FBXO32: variants seen among roughly 807,000 people sequenced by gnomAD.
The protein encoded by FBXO32 is F-box only protein 32.
FBXO32 carries 15 observed loss-of-function variants against 48.3 expected under a neutral mutation model. The ratio of observed to expected loss-of-function variants is 0.31; its 90% CI spans 0.21 to 0.48. The LOEUF is 0.48. Ranked by LOEUF, FBXO32 falls within the 20% of genes least tolerant of loss-of-function variation. The pLI, the probability that FBXO32 is intolerant of heterozygous loss-of-function variation, is 0.99. For synonymous variants in FBXO32, 154 were observed against 165.9 expected (o/e 0.93, Z 0.55); for missense variants, 309 against 432.7 (o/e 0.71, Z 2.54).
intron 4 of FBXO32, among the ~76,000 whole-genome samples, chr8:123,518,580 C>A (rs2130527524): frequency 6.6e-6 from 1 of 152,262 alleles, no homozygotes; most frequent in South Asian, 2.1e-4. Flanking sequence ...GTTTTTCTAC[C>A]ATGGAGTCTT....
intron 4 of FBXO32, among the ~76,000 whole-genome samples, chr8:123,521,977 G>A (rs944513598): frequency 2.6e-5 from 4 of 152,094 alleles, no homozygotes; most frequent in Non-Finnish European, 5.9e-5. Flanking sequence ...AACCTGGAAA[G>A]TTTTGTTCTG....
intron 6 of FBXO32, among the ~76,000 whole-genome samples, chr8:123,511,320 G>A (rs1816729400): frequency 6.6e-6 from 1 of 152,146 alleles, no homozygotes; most frequent in Non-Finnish European, 1.5e-5. Context: ...ACAATAGCTA[G>A]CTCCGAAGAG....
intron 4 of FBXO32, among the ~76,000 whole-genome samples, chr8:123,524,645 A>G (rs1287200683): frequency 6.6e-6 from 1 of 152,036 alleles, no homozygotes; most frequent in Non-Finnish European, 1.5e-5. Flanking sequence ...CAGCCTCCAG[A>G]GTAGCTGGGA....
In FBXO32 at chr8:123,506,796, G is replaced by A. The variant is rs918585292; in HGVS notation, c.652-222C>T. Among the ~76,000 whole-genome samples, 6 of 152,138 alleles carry A rather than the reference G, an allele frequency of 3.9e-5. No homozygotes were observed. The highest frequency in any genetic ancestry group is 8.8e-5 in the Non-Finnish European group (6 of 68,028). On this transcript the variant is annotated intron_variant, in intron 6 of 8. Transcript: ENST00000517956. The surrounding 1 kb of genome is among the most constrained non-coding windows in gnomAD (Gnocchi z 4.0). The stretch of plus-strand genomic sequence containing the variant: ...TGCGCTGAGCTGAGTGGTGCCAGAG[G>A]GATCGCCCTACATTTCCAAAGCTTG...
chr8:123,499,165 C>T lies in FBXO32; in HGVS notation c.*4208G>A, dbSNP rs76998699. On this transcript the variant is annotated 3_prime_UTR_variant, in exon 9 of 9. Coordinates refer to ENST00000517956, the MANE Select transcript of FBXO32 (RefSeq NM_058229.4). Reference sequence around the variant, plus strand: ...CCCTAAACATTCTGGATCTCTTACTCATCGTGAAAGGCAGACGCTCTAAGT... The same window carrying T: ...CCCTAAACATTCTGGATCTCTTACTTATCGTGAAAGGCAGACGCTCTAAGT... 1.3e-5 allele frequency: 2 copies of T among 152,246 alleles called. No homozygotes were observed. The highest frequency in any genetic ancestry group is 2.9e-5 in the Non-Finnish European group (2 of 68,042). The allele number at this position is 152,246 out of a possible 1,614,324, so 9.4% of individuals were successfully genotyped here. A position where few individuals can be genotyped will look rare whatever the true frequency, so the allele number is the denominator to read the frequency against.
At chr8:123,539,255 C>T (rs1261418839) in intron 1 of FBXO32, among the ~76,000 whole-genome samples, 1 of 152,142 alleles carries the variant, frequency 6.6e-6, no homozygotes, top group Non-Finnish European at 1.5e-5. Flanking sequence ...ACTCTTCAGA[C>T]CCTTTCGGCA....
chr8:123,517,720 C>T (rs766106626), intron 4 of FBXO32, among the ~76,000 whole-genome samples: 35 of 152,178 alleles, frequency 2.3e-4, no homozygotes, highest in Non-Finnish European at 4.6e-4. Flanking sequence ...TTTAATCCCT[C>T]TGAACTCCTG....
intron 1 of FBXO32, among the ~76,000 whole-genome samples, chr8:123,537,301 T>C (rs1817327054): frequency 6.6e-6 from 1 of 152,004 alleles, no homozygotes; most frequent in Non-Finnish European, 1.5e-5. Context: ...AATTCAATAA[T>C]AGCCAGCAAG....
At chr8:123,532,104 G>T (rs1817222510) in intron 3 of FBXO32, 114 bp from the exon 4 acceptor site, 1 of 1,500,122 alleles carries the variant, frequency 6.7e-7, no homozygotes, top group Non-Finnish European at 8.9e-7. Flanking sequence ...CTTGATGCCT[G>T]TCTTAGGTGA....
chr8:123,506,496 G>A lies in FBXO32; in HGVS notation c.730C>T (p.Arg244Trp), dbSNP rs147310376. The A allele has an allele frequency of 1.2e-4, 195 of 1,614,018 alleles. No homozygotes were observed. In the African/African-American group the frequency reaches 2.4e-3, roughly 20 times the overall value. ...GCCTGGCCCAGGCTGACCAGGTCCC[G>A]CCCGTCGCTCAGCCTCTGCATGATG... ...LNIMQRLSDG[R>W]DLVSLGQAAP... The change falls in exon 7 of 9, where the codon CGG becomes TGG. Residue 244 changes from arginine to tryptophan, a missense_variant. Arg to Trp is a moderately radical substitution (Grantham distance 101). Transcript: ENST00000517956. This position sits in a 1 kb window ranked among gnomAD's most constrained non-coding sequence, Gnocchi z 4.0.
At chr8:123,536,042 T>C (rs1817304081) in intron 1 of FBXO32, among the ~76,000 whole-genome samples, 1 of 152,334 alleles carries the variant, frequency 6.6e-6, no homozygotes, top group Admixed American at 6.5e-5. Flanking sequence ...TTGTTATTAA[T>C]ACAATAGTCT....
rs776807456 is a variant in FBXO32 at position 123,513,948 on chromosome 8, C to T, written c.466+292G>A. The T allele has an allele frequency of 6.2e-6, 2 of 321,434 alleles. No homozygotes were observed. The highest frequency in any genetic ancestry group is 5.2e-5 in the East Asian group (1 of 19,158). 19.9% of individuals were successfully genotyped at this position (321,434 alleles called of 1,614,324 possible). On this transcript the variant is annotated intron_variant, in intron 5 of 8. Transcript: ENST00000517956. The surrounding 1 kb of genome is among the most constrained non-coding windows in gnomAD (Gnocchi z 4.3). ...TCTAGGAATTTGGGACCCGGAGGCT[C>T]GGTAGCCAGTGTTGGGACCTGTGTC...
In FBXO32 at chr8:123,540,953, C is replaced by A. The variant is rs750486769; in HGVS notation, c.62G>T (p.Gly21Val). The part of the protein sequence containing the change: ...PGQNWVKTAD[G>V]WKRFLDEKSG... ...CTTCTCATCCAGGAAGCGCTTCCAGCCGTCGGCCGTCTTCACCCAGTTCTG... is the reference window on the plus strand; with the variant it reads ...CTTCTCATCCAGGAAGCGCTTCCAGACGTCGGCCGTCTTCACCCAGTTCTG... The change falls in exon 1 of 9, where the codon GGC becomes GTC. Residue 21 changes from glycine (G) to valine (V), a missense_variant. Transcript: ENST00000517956. This position sits in a 1 kb window ranked among gnomAD's most constrained non-coding sequence, Gnocchi z 6.4. 6.2e-7 allele frequency: 1 copy of A among 1,613,500 alleles called. No individual in the cohort carries two copies. Among genetic ancestry groups the A allele is most frequent in the South Asian group, 1.1e-5 (1 of 91,070 alleles).
At chr8:123,514,206 A>C in intron 5 of FBXO32, 34 bp downstream of exon 5, 1 of 1,559,016 alleles carries the variant, frequency 6.4e-7, no homozygotes, top group Middle Eastern at 1.7e-4. Flanking sequence ...CTCCATGCCT[A>C]TAAAAAGGGG....
chr8:123,528,573 G>A (rs539129043), intron 4 of FBXO32, among the ~76,000 whole-genome samples: 2 of 152,258 alleles, frequency 1.3e-5, no homozygotes, highest in Non-Finnish European at 2.9e-5. Flanking sequence ...AGGGAGCAGG[G>A]CCAATGCATG....
chr8:123,511,752 AGACAT>A (rs1816739623), intron 6 of FBXO32, among the ~76,000 whole-genome samples: 1 of 152,160 alleles, frequency 6.6e-6, no homozygotes, highest in Non-Finnish European at 1.5e-5. Context: ...CTGGGATTAC[AGACAT>A]GAGCCACTGC....
chr8:123,499,449 A>T lies in FBXO32; in HGVS notation c.*3924T>A, dbSNP rs985186085. The T allele has an allele frequency of 6.6e-6, 1 of 151,342 alleles. No homozygotes were observed. Among genetic ancestry groups the T allele is most frequent in the African/African-American group, 2.4e-5 (1 of 41,152 alleles). 9.4% of individuals were successfully genotyped at this position (151,342 alleles called of 1,614,324 possible). A position where few individuals can be genotyped will look rare whatever the true frequency, so the allele number is the denominator to read the frequency against. ...TCCAGTCAGAAGAGATAGTTCACAG[A>T]CTCAGAGTTGGAAACAGATTAAAAA... is the stretch of plus-strand genomic sequence containing the variant. On this transcript the variant is annotated 3_prime_UTR_variant, in exon 9 of 9. Coordinates refer to ENST00000517956, the MANE Select transcript of FBXO32 (RefSeq NM_058229.4).
intron 6 of FBXO32, among the ~76,000 whole-genome samples, chr8:123,510,082 C>T (rs1043336468): frequency 6.6e-6 from 1 of 152,228 alleles, no homozygotes; most frequent in African/African-American, 2.4e-5. Context: ...TACAATTCTT[C>T]ACTAGGTGAG....
At chr8:123,534,415 C>G (rs964092371) in intron 2 of FBXO32, among the ~76,000 whole-genome samples, 1 of 152,072 alleles carries the variant, frequency 6.6e-6, no homozygotes, top group African/African-American at 2.4e-5. Context: ...TTCAGCTGAC[C>G]ACATCACTGT....
Sources: gnomAD v4.1 joint callset for allele counts (sites outside exome capture counted in the v4.1 genomes callset) on GRCh38, gnomAD v4.1.1 for gene constraint, Gnocchi (gnomAD v3.1) non-coding constraint, MANE v1.5 for transcripts, NCBI Gene and HGNC (gene_info 2026-07-23, HGNC 2026-07-21) for gene names.